The following API5 variants were observed in gnomAD, a reference collection of about 807,000 sequenced individuals.
API5 encodes the protein FIF.
Under a neutral mutation model 71.9 loss-of-function variants are expected in API5, and 6 were observed. That is an observed-to-expected ratio of 0.08 (90% CI 0.05 to 0.16). The LOEUF (loss-of-function observed/expected upper bound fraction) is 0.16, where lower values mean the gene tolerates loss of function less well. API5 is among the 10% of genes least tolerant of loss of function. API5 has a pLI of 1.00. For synonymous variants in API5, 189 were observed against 221.3 expected (o/e 0.85, Z 1.30); for missense variants, 332 against 612.8 (o/e 0.54, Z 4.84).
chr11:43,333,946 G>A (rs1463370137), intron 11 of API5, among the ~76,000 whole-genome samples: 1 of 152,072 alleles, frequency 6.6e-6, no homozygotes, highest in African/African-American at 2.4e-5. Context: ...TCATTCTCGA[G>A]GATTCAACAT....
intron 6 of API5, among the ~76,000 whole-genome samples, chr11:43,324,040 CAG>C (rs1854985617): frequency 6.6e-6 from 1 of 152,016 alleles, no homozygotes; most frequent in African/African-American, 2.4e-5. Flanking sequence ...TCCTTTGAGA[CAG>C]AGTCTTGCCC....
At chr11:43,313,683 C>T (rs989960879) in intron 1 of API5, among the ~76,000 whole-genome samples, 4 of 152,050 alleles carry the variant, frequency 2.6e-5, no homozygotes, top group Non-Finnish European at 5.9e-5. Context: ...CCTTCATTCC[C>T]TGTCAGTAGG....
rs896311618 is a variant in API5, at chr11:43,323,478, C to G, written c.592C>G (p.Leu198Val). ...AGAATTTGTTCTATTTATGAAGATACTGTCTGGGTTAAAAAGCTTACAGAC... is the reference window on the plus strand; with the variant it reads ...AGAATTTGTTCTATTTATGAAGATAGTGTCTGGGTTAAAAAGCTTACAGAC... ...GEEFVLFMKI[L>V]SGLKSLQTVS... The change falls in exon 6 of 14, where the codon CTG becomes GTG. Residue 198 changes from leucine (L) to valine (V), a missense_variant. Leu to Val is a conservative substitution (Grantham distance 32). Coordinates refer to ENST00000531273, the MANE Select transcript of API5 (RefSeq NM_001142930.2). 1 of 1,614,112 alleles carries G rather than the reference C, an allele frequency of 6.2e-7. No individual in the cohort carries two copies. The highest frequency in any genetic ancestry group is 8.5e-7 in the Non-Finnish European group (1 of 1,180,004).
chr11:43,339,335 G>C (rs542306954), intron 13 of API5: 2 of 152,274 alleles, frequency 1.3e-5, no homozygotes, highest in Admixed American at 6.5e-5. Flanking sequence ...TATTTTTCAA[G>C]CCTCCAAGAT....
chr11:43,326,513 G>A lies in API5; in HGVS notation c.757G>A (p.Val253Ile). The change falls in exon 7 of 14, where the codon GTC (valine) becomes ATC (isoleucine). Residue 253 changes from valine (V) to isoleucine (I), a missense_variant. Coordinates refer to ENST00000531273, the MANE Select transcript of API5 (RefSeq NM_001142930.2). ...RQAVPLFSKNVHSTRFVTYFC... is the reference protein window; with the variant it reads ...RQAVPLFSKNIHSTRFVTYFC... ...TTCTTTGGATTTCTTACAGAAAAATGTCCATTCCACAAGGTTTGTGACATA... is the reference window on the plus strand; with the variant it reads ...TTCTTTGGATTTCTTACAGAAAAATATCCATTCCACAAGGTTTGTGACATA... The A allele has an allele frequency of 1.9e-6, 3 of 1,600,022 alleles. No homozygotes were observed. Among genetic ancestry groups the A allele is most frequent in the Non-Finnish European group, 2.6e-6 (3 of 1,171,258 alleles).
At chr11:43,332,999 T>C (rs1468119557) in intron 11 of API5, among the ~76,000 whole-genome samples, 1 of 152,206 alleles carries the variant, frequency 6.6e-6, no homozygotes, top group African/African-American at 2.4e-5. Flanking sequence ...CCTTTATTGC[T>C]CTGGAACTTT....
chr11:43,318,573 A>G (rs1312638480), intron 1 of API5, 67 bp from the exon 2 acceptor site: 22 of 1,589,848 alleles, frequency 1.4e-5, no homozygotes, highest in Non-Finnish European at 1.9e-5. Context: ...CATGTTTGTT[A>G]TGGTCTTTTA....
chr11:43,330,095 T>A (rs1162041625), intron 10 of API5, 37 bp downstream of exon 10: 1 of 1,526,570 alleles, frequency 6.6e-7, no homozygotes, highest in East Asian at 2.3e-5. Flanking sequence ...AACTGCTAGT[T>A]CCATACCAAA....
At chr11:43,328,301 C>T (rs375744486) in intron 8 of API5, among the ~76,000 whole-genome samples, 3 of 152,106 alleles carry the variant, frequency 2.0e-5, no homozygotes, top group Non-Finnish European at 4.4e-5. Flanking sequence ...TATGGACTTA[C>T]GTTCAGAAAA....
chr11:43,336,790 C>T (rs888035731), intron 13 of API5, among the ~76,000 whole-genome samples: 2 of 151,958 alleles, frequency 1.3e-5, no homozygotes, highest in South Asian at 2.1e-4. Flanking sequence ...AGGCGGATCA[C>T]GAGGTCAGGA....
At chr11:43,319,011 CA>C in intron 2 of API5, 1 of 470,108 alleles carries the variant, frequency 2.1e-6, no homozygotes, top group Non-Finnish European at 3.7e-6. Flanking sequence ...CATAGAATCT[CA>C]AAATACTTAG....
Position 43,323,364 on chromosome 11 carries a change from T to G in API5, c.544-66T>G, listed in dbSNP as rs1040090104. ...TAACTGAAATAAATTAGCTATTCTC[T>G]TTCAGTGTTGATCTGTCCCATTCAA... On this transcript the variant is annotated intron_variant, in intron 5 of 13. Transcript: ENST00000531273. The G allele has an allele frequency of 5.4e-4, 739 of 1,360,694 alleles. 4 individuals are homozygous for G. The highest frequency in any genetic ancestry group is 1.6e-4 in the Admixed American group (9 of 56,154). 84.3% of individuals were successfully genotyped at this position (1,360,694 alleles called of 1,614,324 possible).
intron 1 of API5, among the ~76,000 whole-genome samples, chr11:43,317,697 A>G (rs2134342597): frequency 6.6e-6 from 1 of 152,312 alleles, no homozygotes; most frequent in Admixed American, 6.5e-5. Flanking sequence ...TACTTGTTTA[A>G]GATAGAGTCT....
rs1486517033 is a variant in API5, at chr11:43,329,952, C to T, written c.1128-13C>T. 1.2e-6 allele frequency: 2 copies of T among 1,609,740 alleles called. No individual in the cohort carries two copies. The highest frequency in any genetic ancestry group is 1.7e-6 in the Non-Finnish European group (2 of 1,177,072). ...GTGATGAATTGCTAATTAACAAATA[C>T]ATTTTCATTTAGGCTGCAGTACTTT... On this transcript the variant is annotated splice_polypyrimidine_tract_variant and intron_variant, in intron 9 of 13. Coordinates refer to ENST00000531273, the MANE Select transcript of API5 (RefSeq NM_001142930.2).
intron 13 of API5, among the ~76,000 whole-genome samples, chr11:43,341,209 A>G (rs1855601335): frequency 6.6e-6 from 1 of 152,238 alleles, no homozygotes; most frequent in Non-Finnish European, 1.5e-5. Flanking sequence ...CATCAAAACC[A>G]CAATGAGTAA....
chr11:43,315,251 AT>A (rs144697484), intron 1 of API5, among the ~76,000 whole-genome samples: 1 of 152,240 alleles, frequency 6.6e-6, no homozygotes, highest in African/African-American at 2.4e-5. Flanking sequence ...TTATCGGCTA[AT>A]TTCCCCAAAG....
chr11:43,339,493 T>A (rs1216342774), intron 13 of API5: 2 of 152,224 alleles, frequency 1.3e-5, no homozygotes, highest in Non-Finnish European at 2.9e-5. Context: ...TCAGTTTTCT[T>A]CATGGGACGA....
intron 9 of API5, chr11:43,329,378 T>TA (rs5743244): frequency 0.77 from 119,159 of 154,212 alleles, 46,245 homozygotes; most frequent in East Asian, 0.88. Context: ...TAAAAAAAAT[T>TA]AAAAGACAGA....
intron 4 of API5, 108 bp from the exon 5 acceptor site, chr11:43,321,877 G>A: frequency 9.0e-7 from 1 of 1,114,152 alleles, no homozygotes. Context: ...ATGATATTTG[G>A]GAAGTTCATT....
Sources: allele counts gnomAD v4.1 joint callset (sites outside exome capture counted in the v4.1 genomes callset), GRCh38; gene constraint gnomAD v4.1.1; transcripts MANE v1.5; gene names NCBI Gene and HGNC (gene_info 2026-07-23, HGNC 2026-07-21).